Variants in RLN1 observed in about 807,000 individuals in gnomAD.
RLN1 encodes the protein relaxin 1, also known as prorelaxin H1.
A neutral mutation model predicts 7.2 loss-of-function variants in RLN1; 4 were observed. The ratio of observed to expected loss-of-function variants is 0.56; its 90% CI spans 0.28 to 1.28. The LOEUF (loss-of-function observed/expected upper bound fraction) is 1.28. RLN1 is among the 50% of genes most tolerant of loss of function. The pLI is 0.11. For synonymous variants in RLN1, 105 were observed against 86.0 expected (o/e 1.22, Z -1.22); for missense variants, 293 against 221.1 (o/e 1.32, Z -2.06).
chr9:5,335,673 G>T, intron 1 of RLN1, 76 bp from the exon 2 acceptor site: 4 of 862,864 alleles, frequency 4.6e-6, no homozygotes, highest in Admixed American at 5.3e-5. Flanking sequence ...GTGAATGTTT[G>T]CATACACAAA....
At position 5,339,643 on chromosome 9, in the gene RLN1, C is replaced by G; in HGVS notation, c.104G>C (p.Cys35Ser). The G allele has an allele frequency of 6.2e-7, 1 of 1,612,834 alleles. No individual in the cohort carries two copies. Among genetic ancestry groups the G allele is most frequent in the Non-Finnish European group, 8.5e-7 (1 of 1,180,012 alleles). Residue 35 changes from cysteine to serine, a missense_variant, in exon 1 of 2, where the codon TGC becomes TCC. Cys to Ser is a moderately radical substitution (Grantham distance 112). Transcript: ENST00000223862. ...AKWKDDVIKLCGRELVRAQIA... is the reference protein window; with the variant it reads ...AKWKDDVIKLSGRELVRAQIA... ...CTGCGCGCGAACTAATTCGCGGCCG[C>G]ATAATTTAATAACATCGTCCTTCCA... is the stretch of plus-strand genomic sequence containing the variant.
At chr9:5,336,414 C>T (rs1434125770) in intron 1 of RLN1, among the ~76,000 whole-genome samples, 1 of 152,000 alleles carries the variant, frequency 6.6e-6, no homozygotes, top group Non-Finnish European at 1.5e-5. Flanking sequence ...ACACAGCATC[C>T]CAGGCTGGCC....
chr9:5,337,351 AT>A (rs1816918037), intron 1 of RLN1, among the ~76,000 whole-genome samples: 1 of 152,068 alleles, frequency 6.6e-6, no homozygotes, highest in South Asian at 2.1e-4. Context: ...TTAAAATTAT[AT>A]TTTTAAACCT....
chr9:5,337,241 A>G (rs1226136534), intron 1 of RLN1, among the ~76,000 whole-genome samples: 1 of 152,094 alleles, frequency 6.6e-6, no homozygotes, highest in African/African-American at 2.4e-5. Flanking sequence ...AAAAAAGCTG[A>G]TGGTAATTTT....
At position 5,337,473 on chromosome 9, in the gene RLN1, C is replaced by G. The variant is rs913801321; in HGVS notation, c.212-1876G>C. On this transcript the variant is annotated intron_variant, in intron 1 of 1. Transcript: ENST00000223862. ...CCCTTAATTCACTGTATTTTGGATG[C>G]AAATCTTACTGAAATAGATCTCTGG... is the stretch of plus-strand genomic sequence containing the variant. Among the ~76,000 whole-genome samples, 4 of 151,936 alleles carry G rather than the reference C, an allele frequency of 2.6e-5. 1 individual carries two copies. The highest frequency in any genetic ancestry group is 5.9e-5 in the Non-Finnish European group (4 of 67,984).
rs1353730857 is a variant in RLN1 at position 5,339,589 on chromosome 9, C to T, written c.158G>A (p.Ser53Asn). ...ATCTTCCTGGCTCAGAGACCTTTTG[C>T]TCCAGGTGCTCATGCCGCAAATGGC... Reference protein sequence around the residue: ...QIAICGMSTWSKRSLSQEDAP... With the variant: ...QIAICGMSTWNKRSLSQEDAP... The change falls in exon 1 of 2, where the codon AGC (serine) becomes AAC (asparagine). Residue 53 changes from serine (S) to asparagine (N), a missense_variant. Ser to Asn is a conservative substitution (Grantham distance 46). Transcript: ENST00000223862. 3.1e-6 allele frequency: 5 copies of T among 1,609,940 alleles called. No individual in the cohort carries two copies. The South Asian group carries it at 4.4e-5, about 14-fold the overall frequency.
chr9:5,335,448 C>T lies in RLN1; in HGVS notation c.361G>A (p.Asp121Asn), dbSNP rs1315344493. Reference sequence around the variant, plus strand: ...AATTCTTCAAAGCTAAGATTGGAATCCTTTAATGCAGGTACATACTGCTGT... The same window carrying T: ...AATTCTTCAAAGCTAAGATTGGAATTCTTTAATGCAGGTACATACTGCTGT... ...ELQQYVPALK[D>N]SNLSFEEFKK... Residue 121 changes from aspartate (D) to asparagine (N), a missense_variant, in exon 2 of 2, where the codon GAT becomes AAT. Asp to Asn is a conservative substitution (Grantham distance 23). Transcript: ENST00000223862. 5 of 1,613,588 alleles carry T rather than the reference C, an allele frequency of 3.1e-6. No homozygotes were observed. Among genetic ancestry groups the T allele is most frequent in the Admixed American group, 1.7e-5 (1 of 59,980 alleles).
chr9:5,339,216 C>T, intron 1 of RLN1: 1 of 220,740 alleles, frequency 4.5e-6, no homozygotes, highest in Non-Finnish European at 8.0e-6. Flanking sequence ...GTCACCTCCT[C>T]TGAGGCTTCC....
intron 1 of RLN1, among the ~76,000 whole-genome samples, chr9:5,336,164 C>T (rs1269601873): frequency 6.6e-6 from 1 of 152,000 alleles, no homozygotes; most frequent in Non-Finnish European, 1.5e-5. Flanking sequence ...TCTGATGTTC[C>T]TCAATCATCT....
In RLN1 at chr9:5,335,316, C is replaced by G; in HGVS notation, c.493G>C (p.Val165Leu). Residue 165 changes from valine (V) to leucine (L), a missense_variant, in exon 2 of 2, where the codon GTG (valine) becomes CTG (leucine). Physicochemically the swap from Val to Leu is conservative, Grantham distance 32. Transcript: ENST00000223862. ...THSQKKRRPY[V>L]ALFEKCCLIG... ...AGGCAACATTTCTCAAACAGTGCCACGTAGGGTCGTCTCTTTTTTTGAGAA... is the reference window on the plus strand; with the variant it reads ...AGGCAACATTTCTCAAACAGTGCCAGGTAGGGTCGTCTCTTTTTTTGAGAA... 6.2e-7 allele frequency: 1 copy of G among 1,611,486 alleles called. No homozygotes were observed. Among genetic ancestry groups the G allele is most frequent in the South Asian group, 1.1e-5 (1 of 90,364 alleles).
At chr9:5,337,895 A>G (rs1816932301) in intron 1 of RLN1, among the ~76,000 whole-genome samples, 1 of 152,078 alleles carries the variant, frequency 6.6e-6, no homozygotes, top group Admixed American at 6.6e-5. Flanking sequence ...CTAAATATCC[A>G]CCAAAGAATC....
chr9:5,335,676 T>C (rs1451096653), intron 1 of RLN1, 79 bp from the exon 2 acceptor site: 7 of 848,352 alleles, frequency 8.3e-6, no homozygotes, highest in South Asian at 1.8e-5. Flanking sequence ...AATGTTTGCA[T>C]ACACAAAGAA....
In RLN1 at chr9:5,335,570, T is replaced by C. The variant is rs147296781; in HGVS notation, c.239A>G (p.Asp80Gly). ...AEIVPSFINKDTETIIIMLEF... is the reference protein window; with the variant it reads ...AEIVPSFINKGTETIIIMLEF... ...CAACATGATAATTATAGTTTCTGTA[T>C]CTTTGTTGATGAAGGATGGTACAAT... is the stretch of plus-strand genomic sequence containing the variant. Residue 80 changes from aspartate to glycine, a missense_variant, in exon 2 of 2, where the codon GAT becomes GGT. By Grantham distance (94) the Asp-to-Gly change is moderately conservative (BLOSUM62 -1). Transcript: ENST00000223862. 4.5e-5 allele frequency: 72 copies of C among 1,609,648 alleles called. No homozygotes were observed. The highest frequency in any genetic ancestry group is 5.8e-5 in the Non-Finnish European group (68 of 1,177,644).
chr9:5,339,645 T>A lies in RLN1; in HGVS notation c.102A>T (p.Leu34Phe). Reference sequence around the variant, plus strand: ...GCGCGCGAACTAATTCGCGGCCGCATAATTTAATAACATCGTCCTTCCATT... The same window carrying A: ...GCGCGCGAACTAATTCGCGGCCGCAAAATTTAATAACATCGTCCTTCCATT... ...AAKWKDDVIK[L>F]CGRELVRAQI... is the part of the protein sequence containing the mutation. The change falls in exon 1 of 2, where the codon TTA becomes TTT. Residue 34 changes from leucine (L) to phenylalanine (F), a missense_variant. Leu to Phe is a conservative substitution (Grantham distance 22). Transcript: ENST00000223862. The A allele has an allele frequency of 6.2e-7, 1 of 1,612,838 alleles. No individual in the cohort carries two copies. The highest frequency in any genetic ancestry group is 8.5e-7 in the Non-Finnish European group (1 of 1,180,012).
chr9:5,337,507 G>C (rs546851341), intron 1 of RLN1, among the ~76,000 whole-genome samples: 1 of 151,924 alleles, frequency 6.6e-6, no homozygotes, highest in Admixed American at 6.6e-5. Context: ...GGTTTAAAGC[G>C]GATCTTATTT....
rs745899549 is a variant in RLN1 at position 5,335,353 on chromosome 9, GC to G, written c.455del (p.Gly152AlafsTer22). 2.5e-6 allele frequency: 4 copies of G among 1,613,426 alleles called. No individual in the cohort carries two copies. In the South Asian group the frequency reaches 4.4e-5, roughly 18 times the overall value. On this transcript the variant is annotated frameshift_variant, in exon 2 of 2. Transcript: ENST00000223862. LOFTEE classifies it low-confidence loss of function (END_TRUNC). The stretch of plus-strand genomic sequence containing the variant: ...TCTTTTTTTGAGAATGAGTATCCAA[GC>G]CTAAGTATTTTAATTCTGAAGGATT... ...DSNPSELKYL[G>X]LDTHSQKKRR...
At chr9:5,340,813 T>C (rs1015670033), upstream of RLN1, among the ~76,000 whole-genome samples, 2 of 152,226 alleles carry the variant, frequency 1.3e-5, no homozygotes, top group African/African-American at 4.8e-5. Flanking sequence ...TTTTTAAAAA[T>C]AACTTACTTG....
rs188069694 is a variant in RLN1 at position 5,339,603 on chromosome 9, G to T, written c.144C>A (p.Gly48=). The T allele has an allele frequency of 3.1e-6, 5 of 1,611,648 alleles. No homozygotes were observed. Among genetic ancestry groups the T allele is most frequent in the Admixed American group, 1.7e-5 (1 of 59,856 alleles). ...GAGACCTTTTGCTCCAGGTGCTCAT[G>T]CCGCAAATGGCAATCTGCGCGCGAA... is the stretch of plus-strand genomic sequence containing the variant. The part of the protein sequence containing the change: ...ELVRAQIAIC[G]MSTWSKRSLS... Residue 48 remains glycine (G), a synonymous_variant, in exon 1 of 2, where the codon GGC becomes GGA. Transcript: ENST00000223862.
chr9:5,339,477 C>T (rs1816945382), intron 1 of RLN1, 59 bp downstream of exon 1: 1 of 1,257,430 alleles, frequency 8.0e-7, no homozygotes, highest in East Asian at 2.6e-5. Flanking sequence ...AATTGGGCGG[C>T]CGCCCCAGAG....
Sources: gnomAD v4.1 joint callset for allele counts (sites outside exome capture counted in the v4.1 genomes callset) on GRCh38, gnomAD v4.1.1 for gene constraint, MANE v1.5 for transcripts, NCBI Gene and HGNC (gene_info 2026-07-23, HGNC 2026-07-21) for gene names.